Variants in PPARGC1A observed in about 807,000 individuals in gnomAD.
The protein encoded by PPARGC1A is peroxisome proliferator-activated receptor gamma coactivator 1-alpha.
In PPARGC1A, 25 loss-of-function variants were observed where a neutral mutation model predicts 88.7. The observed-to-expected ratio is 0.28, with a 90% confidence interval of 0.21 to 0.39. PPARGC1A has a LOEUF of 0.39. PPARGC1A is among the 10% of genes least tolerant of loss of function. The pLI is 1.00. For synonymous variants in PPARGC1A, 363 were observed against 355.6 expected, an observed-to-expected ratio of 1.02 and a Z score of -0.24; for missense variants, 880 against 968.7, an observed-to-expected ratio of 0.91 and a Z score of 1.22.
At chr4:24,119,107 T>A in the PPARGC1A span, among the ~76,000 whole-genome samples, 1 of 152,190 alleles carries the variant, frequency 6.6e-6, no homozygotes, top group Non-Finnish European at 1.5e-5. Flanking sequence ...TAAAGTGGGA[T>A]GGTGAGCCTG....
the PPARGC1A span, among the ~76,000 whole-genome samples, chr4:24,209,846 C>T: frequency 6.6e-6 from 1 of 152,090 alleles, no homozygotes; most frequent in African/African-American, 2.4e-5. Flanking sequence ...GGTATATGCT[C>T]AGAAAAGTTT....
the PPARGC1A span, among the ~76,000 whole-genome samples, chr4:23,915,463 C>G: frequency 3.9e-5 from 6 of 152,186 alleles, no homozygotes; most frequent in Non-Finnish European, 8.8e-5. Flanking sequence ...CCATCCTAGT[C>G]CCCAGCCATT....
chr4:24,329,071 G>T, the PPARGC1A span, among the ~76,000 whole-genome samples: 23 of 152,218 alleles, frequency 1.5e-4, no homozygotes, highest in African/African-American at 5.1e-4. Flanking sequence ...GAGATTTCCT[G>T]AGATAAGGAT....
chr4:24,108,094 G>A, the PPARGC1A span, among the ~76,000 whole-genome samples: 1 of 152,176 alleles, frequency 6.6e-6, no homozygotes, highest in Admixed American at 6.5e-5. Context: ...CACAGCCTCT[G>A]ATGGAAGATT....
At chr4:24,280,436 G>A in the PPARGC1A span, among the ~76,000 whole-genome samples, 3 of 152,168 alleles carry the variant, frequency 2.0e-5, no homozygotes, top group East Asian at 5.8e-4. Context: ...GAAAGCTTAG[G>A]TGTGTCTCTG....
At chr4:23,934,231 T>C in the PPARGC1A span, among the ~76,000 whole-genome samples, 1 of 152,070 alleles carries the variant, frequency 6.6e-6, no homozygotes, top group Non-Finnish European at 1.5e-5. Context: ...CATGTGAGTG[T>C]GATGAAAGAA....
At chr4:23,913,893 C>T in the PPARGC1A span, among the ~76,000 whole-genome samples, 2 of 152,202 alleles carry the variant, frequency 1.3e-5, no homozygotes, top group African/African-American at 2.4e-5. Flanking sequence ...GTGCCTTCCA[C>T]ATTCTACAGG....
chr4:24,146,044 T>C, the PPARGC1A span, among the ~76,000 whole-genome samples: 1 of 152,168 alleles, frequency 6.6e-6, no homozygotes, highest in South Asian at 2.1e-4. Context: ...AGAATGCATG[T>C]TAAAAAGAGT....
chr4:23,853,130 A>C (rs1729600620), intron 2 of PPARGC1A, among the ~76,000 whole-genome samples: 1 of 152,178 alleles, frequency 6.6e-6, no homozygotes, highest in African/African-American at 2.4e-5. Context: ...TCTATATTAG[A>C]AGAAGGTTTT....
the PPARGC1A span, among the ~76,000 whole-genome samples, chr4:24,136,679 C>T: frequency 1.3e-5 from 2 of 152,274 alleles, no homozygotes; most frequent in African/African-American, 4.8e-5. Context: ...CCTGTTTCCT[C>T]ACCTGAAAAT....
chr4:23,940,321 A>G, the PPARGC1A span, among the ~76,000 whole-genome samples: 865 of 152,316 alleles, frequency 5.7e-3, 46 homozygotes, highest in East Asian at 0.093. Flanking sequence ...GGAAGACGCT[A>G]CATGGAACGC....
the PPARGC1A span, among the ~76,000 whole-genome samples, chr4:24,288,003 C>T: frequency 8.9e-4 from 136 of 152,248 alleles, no homozygotes; most frequent in African/African-American, 3.1e-3. Context: ...CTCCCTCCCC[C>T]TCACCCACCC....
intron 1 of PPARGC1A, among the ~76,000 whole-genome samples, chr4:23,897,563 C>A (rs533200837): frequency 4.6e-5 from 7 of 152,122 alleles, no homozygotes; most frequent in East Asian, 3.9e-4. Context: ...ACTCAGGAAG[C>A]CTTCTTTGCA....
intron 2 of PPARGC1A, among the ~76,000 whole-genome samples, chr4:23,837,960 A>G (rs1307980420): frequency 1.3e-5 from 2 of 152,218 alleles, no homozygotes; most frequent in African/African-American, 4.8e-5. Flanking sequence ...TTGATTCAAT[A>G]TTTATAAGAA....
chr4:23,941,343 C>T, the PPARGC1A span, among the ~76,000 whole-genome samples: 184 of 152,292 alleles, frequency 1.2e-3, no homozygotes, highest in Middle Eastern at 6.8e-3. Context: ...CAGATGTGAG[C>T]CACTGTACCC....
At chr4:23,830,747 A>G (rs1724852119) in intron 3 of PPARGC1A, among the ~76,000 whole-genome samples, 1 of 152,210 alleles carries the variant, frequency 6.6e-6, no homozygotes. Flanking sequence ...TTAGCAAATG[A>G]CAAATGGCTA....
the PPARGC1A span, among the ~76,000 whole-genome samples, chr4:24,270,380 G>C: frequency 0.62 from 93,935 of 151,260 alleles, 29,668 homozygotes; most frequent in East Asian, 0.87. Flanking sequence ...CGGCTCTTGG[G>C]TGTTTCTCTA....
At chr4:24,426,809 C>T in the PPARGC1A span, among the ~76,000 whole-genome samples, 1 of 152,036 alleles carries the variant, frequency 6.6e-6, no homozygotes, top group African/African-American at 2.4e-5. Context: ...AAATATGTAC[C>T]TTAGGGCAAT....
the PPARGC1A span, among the ~76,000 whole-genome samples, chr4:24,034,366 T>G: frequency 2.6e-5 from 4 of 152,180 alleles, no homozygotes; most frequent in African/African-American, 4.8e-5. Context: ...AGACCCTCAT[T>G]CAAACAAACT....
Sources: gnomAD v4.1 joint callset for allele counts (sites outside exome capture counted in the v4.1 genomes callset) on GRCh38, gnomAD v4.1.1 for gene constraint, MANE v1.5 for transcripts, NCBI Gene and HGNC (gene_info 2026-07-23, HGNC 2026-07-21) for gene names.